OCA2: variants seen among roughly 807,000 people sequenced by gnomAD.
The protein encoded by OCA2 is P protein.
A neutral mutation model predicts 100.2 loss-of-function variants in OCA2; 77 were observed. That is an observed-to-expected ratio of 0.77 (90% CI 0.64 to 0.93). The LOEUF is 0.93. Among genes scored for constraint, OCA2 ranks in the 40% least tolerant of loss-of-function variants. OCA2 has a pLI of 0.00. For missense variants in OCA2, 1,062 were observed against 1,089.1 expected (o/e 0.98, Z 0.35); for synonymous variants, 432 against 439.2 (o/e 0.98, Z 0.21).
intron 23 of OCA2, among the ~76,000 whole-genome samples, chr15:27,756,492 C>T (rs547867631): frequency 4.0e-4 from 61 of 152,290 alleles, no homozygotes; most frequent in African/African-American, 1.4e-3. Context: ...ACAAAACAAA[C>T]AAAAAGAAAC....
intron 21 of OCA2, among the ~76,000 whole-genome samples, chr15:27,866,090 T>C (rs1452339876): frequency 6.6e-6 from 1 of 152,166 alleles, no homozygotes; most frequent in Non-Finnish European, 1.5e-5. Flanking sequence ...CAGGACACCC[T>C]ACCTCCACCC....
intron 19 of OCA2, among the ~76,000 whole-genome samples, chr15:27,911,611 T>C (rs533935657): frequency 4.0e-5 from 6 of 151,026 alleles, no homozygotes; most frequent in African/African-American, 1.5e-4. Flanking sequence ...AAGGGGGAGG[T>C]GCCAGGCTCT....
At chr15:27,918,120 G>A (rs2038733268) in intron 19 of OCA2, among the ~76,000 whole-genome samples, 1 of 127,688 alleles carries the variant, frequency 7.8e-6, no homozygotes, top group Non-Finnish European at 1.6e-5. Context: ...TTGAGACAGA[G>A]TCTCACTCTG....
rs1255943449 is a variant in OCA2, at chr15:27,755,426, A to G, written c.2479T>C (p.Tyr827His). Residue 827 changes from tyrosine (Y) to histidine (H), a missense_variant, in exon 24 of 24, where the codon TAT becomes CAT. By Grantham distance (83) the Tyr-to-His change is moderately conservative (BLOSUM62 2). Coordinates refer to ENST00000354638, the MANE Select transcript of OCA2 (RefSeq NM_000275.3). Reference protein sequence around the residue: ...MVVSCTVGMCYLLVAHVVVGW... With the variant: ...MVVSCTVGMCHLLVAHVVVGW... ...ACCACCACATGAGCCACAAGGAGATAACACATCCCAACAGTGCAGGACACA... is the reference window on the plus strand; with the variant it reads ...ACCACCACATGAGCCACAAGGAGATGACACATCCCAACAGTGCAGGACACA... The G allele has an allele frequency of 1.2e-6, 2 of 1,614,008 alleles. No individual in the cohort carries two copies. Among genetic ancestry groups the G allele is most frequent in the African/African-American group, 1.3e-5 (1 of 75,056 alleles).
intron 1 of OCA2, among the ~76,000 whole-genome samples, chr15:28,092,343 G>GA (rs982260632): frequency 4.0e-5 from 6 of 151,820 alleles, no homozygotes; most frequent in East Asian, 1.9e-4. Context: ...TGAATATACT[G>GA]AAAAAAAACA....
intron 19 of OCA2, among the ~76,000 whole-genome samples, chr15:27,873,024 A>T (rs2036646199): frequency 6.6e-6 from 1 of 152,174 alleles, no homozygotes; most frequent in Non-Finnish European, 1.5e-5. Flanking sequence ...TCAGAATCTC[A>T]ATCTGCATGT....
intron 23 of OCA2, among the ~76,000 whole-genome samples, chr15:27,808,073 A>G (rs1469334763): frequency 6.6e-6 from 1 of 152,260 alleles, no homozygotes; most frequent in Non-Finnish European, 1.5e-5. Context: ...AAGGTAAGTC[A>G]TGGAGATAGT....
chr15:27,923,347 ATT>A (rs972434561), intron 19 of OCA2, among the ~76,000 whole-genome samples: 1 of 152,172 alleles, frequency 6.6e-6, no homozygotes, highest in African/African-American at 2.4e-5. Flanking sequence ...AAGAATTTAT[ATT>A]CTTTTTTTAT....
At chr15:27,949,433 C>T (rs189815108) in intron 18 of OCA2, among the ~76,000 whole-genome samples, 104 of 152,216 alleles carry the variant, frequency 6.8e-4, no homozygotes, top group African/African-American at 2.3e-3. Flanking sequence ...GAGGCTGAGG[C>T]GGGAGGATCA....
At chr15:27,912,720 C>G (rs755512289) in intron 19 of OCA2, among the ~76,000 whole-genome samples, 1 of 152,174 alleles carries the variant, frequency 6.6e-6, no homozygotes, top group Non-Finnish European at 1.5e-5. Context: ...AGGCAAAGAG[C>G]TACTGACAAA....
intron 19 of OCA2, among the ~76,000 whole-genome samples, chr15:27,909,721 T>A (rs1308719919): frequency 6.6e-6 from 1 of 152,120 alleles, no homozygotes; most frequent in Non-Finnish European, 1.5e-5. Context: ...AAAATTAGAT[T>A]CCATATTTCA....
chr15:27,752,168 A>G (rs1027383154), downstream of OCA2, among the ~76,000 whole-genome samples: 21 of 152,316 alleles, frequency 1.4e-4, no homozygotes, highest in African/African-American at 4.8e-4. Context: ...TCTGCAGCAC[A>G]CAGACCCTTC....
the OCA2 span, among the ~76,000 whole-genome samples, chr15:27,746,658 C>T: frequency 2.6e-5 from 4 of 152,324 alleles, no homozygotes; most frequent in Middle Eastern, 3.4e-3. Context: ...CCCCCAGCCA[C>T]GACACTGGTC....
chr15:28,018,754 C>T (rs544214664), intron 6 of OCA2, among the ~76,000 whole-genome samples, 197 bp from the exon 7 acceptor site: 1 of 152,208 alleles, frequency 6.6e-6, no homozygotes, highest in African/African-American at 2.4e-5. Flanking sequence ...CCTAACTCCC[C>T]TGAAGCAGAT....
At chr15:27,733,478 C>T in the OCA2 span, among the ~76,000 whole-genome samples, 2 of 76,422 alleles carry the variant, frequency 2.6e-5, no homozygotes, top group East Asian at 4.0e-4. Context: ...GGCTCATGGC[C>T]TCATGGCCTC....
At chr15:27,798,382 A>G (rs1020595474) in intron 23 of OCA2, among the ~76,000 whole-genome samples, 3 of 152,166 alleles carry the variant, frequency 2.0e-5, no homozygotes, top group Non-Finnish European at 4.4e-5. Flanking sequence ...GGAGTTTTTG[A>G]AAAAGGTAAT....
At chr15:27,818,363 T>G (rs968842475) in intron 23 of OCA2, among the ~76,000 whole-genome samples, 6 of 152,298 alleles carry the variant, frequency 3.9e-5, no homozygotes, top group Admixed American at 6.5e-5. Context: ...CACTCCAGCC[T>G]GGGTAACAGA....
Position 28,082,178 on chromosome 15 carries a change from A to C in OCA2, c.-21-283T>G, listed in dbSNP as rs191302371. On this transcript the variant is annotated intron_variant, in intron 1 of 23. Transcript: ENST00000354638. ...AGGATTGTAAATGCACCAATCAGCA[A>C]TCTATAAAATGGACCAATCAGCACT... 3.0e-3 allele frequency among the ~76,000 whole-genome samples: 457 copies of C among 152,312 alleles called. 1 individual carries two copies. Among genetic ancestry groups the C allele is most frequent in the Middle Eastern group, 6.8e-3 (2 of 294 alleles).
intron 2 of OCA2, among the ~76,000 whole-genome samples, chr15:28,056,811 A>G (rs744297): frequency 0.014 from 2,062 of 152,314 alleles, 39 homozygotes; most frequent in African/African-American, 0.047. Flanking sequence ...CTATATGAAT[A>G]TTCAGGTGCT....
Sources: gnomAD v4.1 joint callset for allele counts (sites outside exome capture counted in the v4.1 genomes callset) on GRCh38, gnomAD v4.1.1 for gene constraint, MANE v1.5 for transcripts, NCBI Gene and HGNC (gene_info 2026-07-23, HGNC 2026-07-21) for gene names.